The following NCKAP5 variants were observed in gnomAD, a reference collection of about 807,000 sequenced individuals.
The protein encoded by NCKAP5 is NCK associated protein 5, also known as nck-associated protein 5.
In NCKAP5, 92 loss-of-function variants were observed where a neutral mutation model predicts 167.0. The ratio of observed to expected loss-of-function variants is 0.55; its 90% confidence interval spans 0.47 to 0.66. The LOEUF (loss-of-function observed/expected upper bound fraction) is 0.66, where lower values mean the gene tolerates loss of function less well. NCKAP5 is among the 30% of genes least tolerant of loss of function. The pLI is 0.00. For missense variants in NCKAP5, 2,378 were observed against 2,315.0 expected (o/e 1.03, Z -0.56); for synonymous variants, 891 against 877.4 (o/e 1.02, Z -0.27).
At chr2:132,920,808 T>C (rs1695363453) in intron 8 of NCKAP5, among the ~76,000 whole-genome samples, 1 of 109,430 alleles carries the variant, frequency 9.1e-6, no homozygotes, top group South Asian at 3.0e-4. Flanking sequence ...TATATATATA[T>C]ATATATATAT....
At chr2:133,262,787 A>C (rs986972048) in intron 4 of NCKAP5, among the ~76,000 whole-genome samples, 12 of 152,232 alleles carry the variant, frequency 7.9e-5, no homozygotes, top group Non-Finnish European at 1.5e-4. Flanking sequence ...CTAAGTATGA[A>C]ATGGCACAGT....
intron 6 of NCKAP5, among the ~76,000 whole-genome samples, chr2:133,005,049 C>G (rs551595413): frequency 2.0e-5 from 3 of 152,174 alleles, no homozygotes. Flanking sequence ...CTGTTCTTTT[C>G]TAGGATGCCC....
intron 16 of NCKAP5, among the ~76,000 whole-genome samples, chr2:132,758,994 T>A (rs937155196): frequency 5.9e-5 from 9 of 152,228 alleles, no homozygotes; most frequent in African/African-American, 2.2e-4. Flanking sequence ...TACCCGTTGA[T>A]AAAGTAACTA....
intron 6 of NCKAP5, among the ~76,000 whole-genome samples, chr2:133,022,713 T>G (rs1336192444): frequency 6.6e-6 from 1 of 152,204 alleles, no homozygotes; most frequent in African/African-American, 2.4e-5. Flanking sequence ...TGCTTCTAGA[T>G]CTCACTGGGT....
intron 3 of NCKAP5, among the ~76,000 whole-genome samples, chr2:133,340,513 C>T (rs1158717459): frequency 6.6e-6 from 1 of 152,054 alleles, no homozygotes; most frequent in Non-Finnish European, 1.5e-5. Flanking sequence ...CTGTAATTGC[C>T]ATAATATTCT....
chr2:133,245,247 C>A (rs1206534456), intron 4 of NCKAP5, among the ~76,000 whole-genome samples: 1 of 152,102 alleles, frequency 6.6e-6, no homozygotes, highest in African/African-American at 2.4e-5. Flanking sequence ...TCAACTACAT[C>A]AATAAATCAT....
At chr2:133,239,673 C>T (rs2087589353) in intron 4 of NCKAP5, among the ~76,000 whole-genome samples, 3 of 152,146 alleles carry the variant, frequency 2.0e-5, no homozygotes, top group Admixed American at 6.5e-5. Flanking sequence ...TATTTATACT[C>T]TGTTTATGTG....
intron 17 of NCKAP5, among the ~76,000 whole-genome samples, chr2:132,730,990 G>C (rs913794303): frequency 1.3e-5 from 2 of 152,136 alleles, no homozygotes; most frequent in Admixed American, 6.5e-5. Context: ...TCCACTTGCA[G>C]CTCCTTTCTA....
chr2:133,400,901 C>G (rs1296572519), intron 3 of NCKAP5, among the ~76,000 whole-genome samples: 1 of 152,020 alleles, frequency 6.6e-6, no homozygotes, highest in African/African-American at 2.4e-5. Context: ...GCTTCTGAAC[C>G]CTTGGAATTT....
intron 6 of NCKAP5, among the ~76,000 whole-genome samples, chr2:133,125,439 T>A (rs116219952): frequency 0.017 from 2,654 of 152,278 alleles, 88 homozygotes; most frequent in African/African-American, 0.061. Flanking sequence ...TCACCTTGGC[T>A]GTCTGGACAA....
At chr2:133,461,943 T>G (rs1185936852) in intron 3 of NCKAP5, among the ~76,000 whole-genome samples, 1 of 152,194 alleles carries the variant, frequency 6.6e-6, no homozygotes, top group Non-Finnish European at 1.5e-5. Flanking sequence ...TACTGTGTCA[T>G]GTTTCCCTTT....
chr2:133,294,792 A>G (rs1430796982), intron 4 of NCKAP5, among the ~76,000 whole-genome samples: 6 of 152,258 alleles, frequency 3.9e-5, no homozygotes, highest in African/African-American at 7.2e-5. Flanking sequence ...AATAAGAATC[A>G]CATGCAAGCC....
At chr2:133,046,758 C>A (rs1450180660) in intron 6 of NCKAP5, among the ~76,000 whole-genome samples, 1 of 151,830 alleles carries the variant, frequency 6.6e-6, no homozygotes, top group South Asian at 2.1e-4. Flanking sequence ...AGGCAATAGG[C>A]AAAGCATTGC....
the NCKAP5 span, among the ~76,000 whole-genome samples, chr2:133,663,041 TG>T: frequency 6.7e-6 from 1 of 150,318 alleles, no homozygotes; most frequent in South Asian, 2.1e-4. Flanking sequence ...CCGAGGCGGG[TG>T]GATCATGAGG....
chr2:132,767,442 C>A (rs1056816631), intron 16 of NCKAP5, among the ~76,000 whole-genome samples: 2 of 152,094 alleles, frequency 1.3e-5, no homozygotes, highest in African/African-American at 4.8e-5. Context: ...GATGGGGTTT[C>A]TCCCTGTTGG....
At chr2:133,003,635 CA>C (rs2077862129) in intron 6 of NCKAP5, among the ~76,000 whole-genome samples, 1 of 152,154 alleles carries the variant, frequency 6.6e-6, no homozygotes, top group African/African-American at 2.4e-5. Flanking sequence ...TGCACTGAAA[CA>C]GAAACTTACT....
chr2:132,719,836 C>T (rs1466433615), intron 19 of NCKAP5, among the ~76,000 whole-genome samples: 1 of 152,042 alleles, frequency 6.6e-6, no homozygotes, highest in East Asian at 1.9e-4. Context: ...ACAAGGATGG[C>T]GAGACATTCA....
intron 3 of NCKAP5, among the ~76,000 whole-genome samples, chr2:133,418,801 C>A (rs1183212647): frequency 6.6e-6 from 1 of 152,136 alleles, no homozygotes; most frequent in East Asian, 1.9e-4. Context: ...TCTAATAGGT[C>A]AGTCTTAAAG....
At chr2:133,540,197 A>G (rs1686112671) in intron 2 of NCKAP5, among the ~76,000 whole-genome samples, 1 of 152,216 alleles carries the variant, frequency 6.6e-6, no homozygotes, top group Non-Finnish European at 1.5e-5. Flanking sequence ...AAAAAGAAAA[A>G]GAAAAATGCT....
Sources: allele counts gnomAD v4.1 joint callset (sites outside exome capture counted in the v4.1 genomes callset), GRCh38; gene constraint gnomAD v4.1.1; transcripts MANE v1.5; gene names NCBI Gene and HGNC (gene_info 2026-07-23, HGNC 2026-07-21).